Variants in FAAP20 observed in about 807,000 individuals in gnomAD.
FAAP20 encodes FA core complex associated protein 20.
In FAAP20, 12 loss-of-function variants were observed where a neutral mutation model predicts 16.2. That is an observed-to-expected ratio of 0.74 (90% CI 0.48 to 1.20). The LOEUF (loss-of-function observed/expected upper bound fraction) is 1.20. Ranked by LOEUF, FAAP20 falls within the 50% of genes most tolerant of loss-of-function variation. The pLI is 0.00. For synonymous variants in FAAP20, 141 were observed against 110.7 expected, an observed-to-expected ratio of 1.27 and a Z score of -1.72; for missense variants, 288 against 245.8, an observed-to-expected ratio of 1.17 and a Z score of -1.15.
chr1:2,194,775 G>C, upstream of FAAP20: 1 of 1,171,490 alleles, frequency 8.5e-7, no homozygotes. Context: ...GCGGAAGTGA[G>C]CGCAAGCCCC....
At chr1:2,184,830 TG>T, downstream of FAAP20, 4 of 1,392,684 alleles carry the variant, frequency 2.9e-6, no homozygotes, top group Admixed American at 5.8e-5. Flanking sequence ...CAGTGGGCGT[TG>T]GGGGAGGATT....
chr1:2,209,849 C>T (rs1213171217), downstream of FAAP20, among the ~76,000 whole-genome samples: 2 of 152,250 alleles, frequency 1.3e-5, no homozygotes, highest in Non-Finnish European at 2.9e-5. Context: ...CTCCTGCCTT[C>T]TGTCCAGACA....
At chr1:2,207,954 G>A (rs868362835), downstream of FAAP20, among the ~76,000 whole-genome samples, 2 of 148,042 alleles carry the variant, frequency 1.4e-5, no homozygotes, top group African/African-American at 5.0e-5. Context: ...GTGTGTGTGT[G>A]TCCGTGCGCG....
downstream of FAAP20, among the ~76,000 whole-genome samples, chr1:2,188,823 G>A (rs916172436): frequency 6.6e-6 from 1 of 151,826 alleles, no homozygotes; most frequent in Non-Finnish European, 1.5e-5. Context: ...GGCTAACACG[G>A]TGAAACCCCG....
At chr1:2,188,763 C>A (rs189510744), downstream of FAAP20, among the ~76,000 whole-genome samples, 338 of 152,184 alleles carry the variant, frequency 2.2e-3, 1 homozygote, top group African/African-American at 7.7e-3. Flanking sequence ...CCCAGCACTT[C>A]GGGAGGCCGA....
downstream of FAAP20, among the ~76,000 whole-genome samples, chr1:2,188,693 G>A (rs567464303): frequency 1.4e-3 from 213 of 152,284 alleles, no homozygotes; most frequent in African/African-American, 4.9e-3. Context: ...GCAGCTGCAA[G>A]TTCATTTTGG....
downstream of FAAP20, chr1:2,185,028 C>G (rs762238962): frequency 6.9e-6 from 11 of 1,584,166 alleles, no homozygotes; most frequent in Non-Finnish European, 9.5e-6. Context: ...GCGTCTCTGT[C>G]GTGGACACGC....
Position 2,194,677 on chromosome 1 carries a change from C to A in FAAP20, c.62+11G>T, listed in dbSNP as rs1273933887. On this transcript the variant is annotated intron_variant, in intron 1 of 3. Transcript: ENST00000378546. ...AAACCGGCCGCGCCCCCGCCCGGCT[C>A]CCGGCCTCACCCGCCCGCCGGGCGC... The A allele has an allele frequency of 1.7e-6, 2 of 1,149,822 alleles. No homozygotes were observed. Among genetic ancestry groups the A allele is most frequent in the African/African-American group, 1.6e-5 (1 of 60,794 alleles). 71.2% of individuals were successfully genotyped at this position (1,149,822 alleles called of 1,614,324 possible). A position where few individuals can be genotyped will look rare whatever the true frequency, so the allele number is the denominator to read the frequency against.
upstream of FAAP20, among the ~76,000 whole-genome samples, chr1:2,197,577 T>C (rs897322739): frequency 6.6e-6 from 1 of 152,218 alleles, no homozygotes; most frequent in Non-Finnish European, 1.5e-5. Context: ...TCATTTACCC[T>C]TGGCCACCAG....
chr1:2,192,254 G>A (rs1172398168), intron 3 of FAAP20: 1 of 986,312 alleles, frequency 1.0e-6, no homozygotes, highest in Non-Finnish European at 1.2e-6. Context: ...GCCTGCCCAT[G>A]CGGTGGCCAC....
downstream of FAAP20, among the ~76,000 whole-genome samples, chr1:2,208,110 G>A (rs1237748901): frequency 6.6e-6 from 1 of 152,156 alleles, no homozygotes; most frequent in Non-Finnish European, 1.5e-5. Context: ...TGAGGCGTGG[G>A]AGGCTCAGCC....
chr1:2,208,947 C>T (rs1045310689), downstream of FAAP20, among the ~76,000 whole-genome samples: 1 of 152,216 alleles, frequency 6.6e-6, no homozygotes, highest in African/African-American at 2.4e-5. Context: ...GCTCAAGCAC[C>T]TCAGGGAGCC....
upstream of FAAP20, chr1:2,203,699 CCCTGTT>C: frequency 1.0e-6 from 1 of 963,350 alleles, no homozygotes; most frequent in Non-Finnish European, 1.2e-6. Flanking sequence ...GCCTCAAATC[CCCTGTT>C]CCTTGAGCGG....
chr1:2,211,959 G>GT (rs1156828046), downstream of FAAP20, among the ~76,000 whole-genome samples: 4 of 143,552 alleles, frequency 2.8e-5, no homozygotes, highest in Admixed American at 1.5e-4. Context: ...CTGGAGTGCA[G>GT]TAGTGTGATC....
chr1:2,186,027 C>T (rs1429371932), downstream of FAAP20: 1 of 449,372 alleles, frequency 2.2e-6, no homozygotes, highest in Non-Finnish European at 4.5e-6. Context: ...GCACAGCTGT[C>T]CAGAGCTGAG....
chr1:2,211,288 C>T (rs2480708), downstream of FAAP20, among the ~76,000 whole-genome samples: 7 of 127,552 alleles, frequency 5.5e-5, no homozygotes, highest in African/African-American at 9.0e-5. Flanking sequence ...GGAGTGCAGT[C>T]GCGCGATCTC....
At chr1:2,186,479 C>T (rs1426948606), downstream of FAAP20, among the ~76,000 whole-genome samples, 3 of 147,934 alleles carry the variant, frequency 2.0e-5, no homozygotes, top group Non-Finnish European at 3.0e-5. Context: ...CCCCCCGGCC[C>T]GAGACCCTGG....
upstream of FAAP20, chr1:2,198,142 G>A: frequency 7.8e-7 from 1 of 1,289,612 alleles, no homozygotes; most frequent in East Asian, 5.6e-5. Context: ...ACGGAGTTTT[G>A]CTTTATTGGA....
At chr1:2,206,746 T>C (rs986120858) in intron 1 of FAAP20, 1 of 148,362 alleles carries the variant, frequency 6.7e-6, no homozygotes, top group African/African-American at 2.5e-5. Flanking sequence ...GGCAGGAGAA[T>C]GGTGTGAACC....
Sources: allele counts gnomAD v4.1 joint callset (sites outside exome capture counted in the v4.1 genomes callset), GRCh38; gene constraint gnomAD v4.1.1; transcripts MANE v1.5; gene names NCBI Gene and HGNC (gene_info 2026-07-23, HGNC 2026-07-21).